Variants in LEO1 observed in about 807,000 individuals in gnomAD.
The protein encoded by LEO1 is RNA polymerase-associated protein LEO1.
LEO1 carries 34 observed loss-of-function variants against 80.4 expected under a neutral mutation model. The ratio of observed to expected loss-of-function variants is 0.42; its 90% confidence interval spans 0.32 to 0.56. The LOEUF is 0.56. Ranked by LOEUF, LEO1 falls within the 20% of genes least tolerant of loss-of-function variation. The pLI is 0.10. For missense variants in LEO1, 631 were observed against 814.2 expected (o/e 0.77, Z 2.74); for synonymous variants, 262 against 274.9 (o/e 0.95, Z 0.46).
rs767518793 is a variant in LEO1 at position 51,938,266 on chromosome 15, C to A, written c.1897-6G>T. The A allele has an allele frequency of 6.6e-6, 10 of 1,515,802 alleles. No homozygotes were observed. Among genetic ancestry groups the A allele is most frequent in the Admixed American group, 1.8e-5 (1 of 55,348 alleles). 93.9% of individuals were successfully genotyped at this position (1,515,802 alleles called of 1,614,324 possible). A position where few individuals can be genotyped will look rare whatever the true frequency, so the allele number is the denominator to read the frequency against. On this transcript the variant is annotated splice_polypyrimidine_tract_variant and splice_region_variant and intron_variant, in intron 11 of 11. Coordinates refer to ENST00000299601, the MANE Select transcript of LEO1 (RefSeq NM_138792.4). ...TTTCCGGAAGGTTCACCTTCCTAAACAGATACAATTTTTACAAATCTACAA... is the reference window on the plus strand; with the variant it reads ...TTTCCGGAAGGTTCACCTTCCTAAAAAGATACAATTTTTACAAATCTACAA...
intron 6 of LEO1, 166 bp from the exon 7 acceptor site, chr15:51,954,741 G>T: frequency 1.7e-6 from 1 of 573,408 alleles, no homozygotes; most frequent in Non-Finnish European, 3.1e-6. Flanking sequence ...ACCTAGAGAG[G>T]TTGGATAAAT....
intron 11 of LEO1, 41 bp downstream of exon 11, chr15:51,947,251 G>A (rs369993027): frequency 6.6e-6 from 9 of 1,360,790 alleles, no homozygotes; most frequent in Non-Finnish European, 8.4e-6. Flanking sequence ...TGGCTCCTGA[G>A]TACAGGATAA....
chr15:51,952,065 C>T, intron 8 of LEO1, 86 bp from the exon 9 acceptor site: 1 of 1,215,914 alleles, frequency 8.2e-7, no homozygotes, highest in South Asian at 1.5e-5. Flanking sequence ...AGTAAGAGCC[C>T]AGTGACCATT....
chr15:51,938,369 G>A (rs532570098), intron 11 of LEO1, 109 bp from the exon 12 acceptor site: 7 of 636,480 alleles, frequency 1.1e-5, no homozygotes, highest in East Asian at 8.3e-5. Flanking sequence ...TCAAAGTAAC[G>A]GTTCCTGCAG....
intron 1 of LEO1, among the ~76,000 whole-genome samples, 188 bp downstream of exon 1, chr15:51,971,500 G>A (rs1232429812): frequency 6.6e-6 from 1 of 152,202 alleles, no homozygotes; most frequent in Admixed American, 6.5e-5. Flanking sequence ...GAGCCTCGAG[G>A]CGCAGACTGT....
Position 51,948,950 on chromosome 15 carries a change from T to C in LEO1, c.1798+858A>G, listed in dbSNP as rs115947177. On this transcript the variant is annotated intron_variant, in intron 10 of 11. Coordinates refer to ENST00000299601, the MANE Select transcript of LEO1 (RefSeq NM_138792.4). ...GTTTAAGAACTGACCAGTTAGCAAC[T>C]ACGTGCCTTTGGGCAAATTAGTCAA... Among the ~76,000 whole-genome samples, 415 of 152,356 alleles carry C rather than the reference T, an allele frequency of 2.7e-3. 5 individuals are homozygous for C. Among genetic ancestry groups the C allele is most frequent in the African/African-American group, 9.7e-3 (402 of 41,580 alleles).
chr15:51,969,887 G>A (rs2057109243), intron 1 of LEO1, among the ~76,000 whole-genome samples: 1 of 150,468 alleles, frequency 6.6e-6, no homozygotes, highest in Non-Finnish European at 1.5e-5. Flanking sequence ...TTAGCCTTTG[G>A]GAAAGTGTAA....
At chr15:51,941,679 T>C (rs191304503) in intron 11 of LEO1, among the ~76,000 whole-genome samples, 90 of 152,320 alleles carry the variant, frequency 5.9e-4, no homozygotes, top group Non-Finnish European at 1.0e-3. Context: ...TTTTGTAAAG[T>C]TTTAACTACT....
rs1228194779 is a variant in LEO1 at position 51,960,021 on chromosome 15, A to C, written c.1038T>G (p.Asp346Glu). 1 of 1,612,946 alleles carries C rather than the reference A, an allele frequency of 6.2e-7. No homozygotes were observed. The highest frequency in any genetic ancestry group is 1.7e-5 in the Admixed American group (1 of 59,648). Residue 346 changes from aspartate to glutamate, a missense_variant, in exon 5 of 12, where the codon GAT becomes GAG. Physicochemically the swap from Asp to Glu is conservative, Grantham distance 45. Transcript: ENST00000299601. ...QPVDENGLPQ[D>E]QQEEEPIPET... is the part of the protein sequence containing the mutation. ...CAGGAATTGGCTCCTCTTCCTGTTG[A>C]TCCTGAGGCAATCCATTTTCATCCT...
intron 7 of LEO1, among the ~76,000 whole-genome samples, 194 bp downstream of exon 7, chr15:51,954,287 T>A (rs117149098): frequency 0.013 from 2,045 of 151,852 alleles, 81 homozygotes; most frequent in Admixed American, 0.07. Context: ...ACTTGGGAGA[T>A]GGGAGGATCA....
chr15:51,941,034 C>G (rs547209057), intron 11 of LEO1, among the ~76,000 whole-genome samples: 1 of 152,140 alleles, frequency 6.6e-6, no homozygotes, highest in African/African-American at 2.4e-5. Context: ...GATCGCGGCG[C>G]TGCACTCCAG....
chr15:51,955,102 A>C (rs867223477), intron 6 of LEO1: 1 of 152,330 alleles, frequency 6.6e-6, no homozygotes. Flanking sequence ...AAGCCCGGCT[A>C]ATTTTTTCAT....
At chr15:51,952,176 T>C (rs933469277) in intron 8 of LEO1, 197 bp from the exon 9 acceptor site, 1 of 459,424 alleles carries the variant, frequency 2.2e-6, no homozygotes, top group Non-Finnish European at 3.8e-6. Flanking sequence ...GACATTCTTA[T>C]TCCACAAATG....
intron 11 of LEO1, among the ~76,000 whole-genome samples, chr15:51,941,412 A>G (rs775014328): frequency 6.6e-6 from 1 of 152,226 alleles, no homozygotes. Flanking sequence ...CAAAGGGGAA[A>G]TGGAGTCTCA....
At chr15:51,961,500 C>G (rs1325620776) in intron 3 of LEO1, among the ~76,000 whole-genome samples, 1 of 152,038 alleles carries the variant, frequency 6.6e-6, no homozygotes, top group African/African-American at 2.4e-5. Flanking sequence ...ACAAGCGATT[C>G]TCGTGCCTCA....
At chr15:51,940,254 C>CA (rs745641318) in intron 11 of LEO1, among the ~76,000 whole-genome samples, 2,162 of 37,498 alleles carry the variant, frequency 0.058, 63 homozygotes, top group Non-Finnish European at 0.074. Context: ...GACTCCGTAT[C>CA]AAAAAAAAAA....
chr15:51,958,446 C>A (rs1444087091), intron 6 of LEO1, among the ~76,000 whole-genome samples: 3 of 152,150 alleles, frequency 2.0e-5, no homozygotes, highest in Non-Finnish European at 2.9e-5. Flanking sequence ...CAGAGCAAGA[C>A]CGTGTCTCAA....
In LEO1 at chr15:51,941,245, A is replaced by ATAAC. The variant is rs201252707; in HGVS notation, c.1897-2989_1897-2986dup. 6.8e-4 allele frequency among the ~76,000 whole-genome samples: 104 copies of ATAAC among 152,350 alleles called. No individual in the cohort carries two copies. In the East Asian group the frequency reaches 0.019, roughly 28 times the overall value. On this transcript the variant is annotated intron_variant, in intron 11 of 11. Coordinates refer to ENST00000299601, the MANE Select transcript of LEO1 (RefSeq NM_138792.4). Reference sequence around the variant, plus strand: ...CATGTGGGATGCTGCCTTACTGAACATAACTGCAACAGATCCCAGTGTCAT... The same window carrying ATAAC: ...CATGTGGGATGCTGCCTTACTGAACATAACTAACTGCAACAGATCCCAGTGTCAT...
intron 11 of LEO1, among the ~76,000 whole-genome samples, chr15:51,945,262 C>CAAAAAAAAAAAAAAAAAAAAAAAAAAAAA (rs71130110): frequency 1.2e-5 from 1 of 80,360 alleles, no homozygotes; most frequent in Admixed American, 1.7e-4. Flanking sequence ...ACAAAAAATA[C>CAAAAAAAAAAAAAAAAAAAAAAAAAAAAA]AAAAAAAAAA....
Sources: gnomAD v4.1 joint callset for allele counts (sites outside exome capture counted in the v4.1 genomes callset) on GRCh38, gnomAD v4.1.1 for gene constraint, MANE v1.5 for transcripts, NCBI Gene and HGNC (gene_info 2026-07-23, HGNC 2026-07-21) for gene names.